Variants in DYNC2H1 observed in about 807,000 individuals in gnomAD.
DYNC2H1 encodes dynein cytoplasmic 2 heavy chain 1.
A neutral mutation model predicts 570.0 loss-of-function variants in DYNC2H1; 410 were observed. The ratio of observed to expected loss-of-function variants is 0.72; its 90% CI spans 0.66 to 0.78. The LOEUF (loss-of-function observed/expected upper bound fraction) is 0.78, where lower values mean the gene tolerates loss of function less well. Among genes scored for constraint, DYNC2H1 ranks in the 30% least tolerant of loss-of-function variants. The pLI, the probability that DYNC2H1 is intolerant of heterozygous loss-of-function variation, is 0.00. For missense variants in DYNC2H1, 4,865 were observed against 5,046.4 expected, an observed-to-expected ratio of 0.96 and a Z score of 1.09; for synonymous variants, 1,688 against 1,677.6, an observed-to-expected ratio of 1.01 and a Z score of -0.15.
chr11:103,196,979 G>C (rs1401171249), intron 47 of DYNC2H1, among the ~76,000 whole-genome samples: 1 of 152,150 alleles, frequency 6.6e-6, no homozygotes, highest in Non-Finnish European at 1.5e-5. Flanking sequence ...ATGTGACAAG[G>C]ATGCTTGGTG....
intron 83 of DYNC2H1, among the ~76,000 whole-genome samples, chr11:103,392,469 T>C (rs989294688): frequency 1.3e-5 from 2 of 152,252 alleles, no homozygotes; most frequent in East Asian, 1.9e-4. Context: ...TGCCTCGCCC[T>C]GCTTCGGCTC....
At chr11:103,346,895 T>C (rs1939771391) in intron 82 of DYNC2H1, among the ~76,000 whole-genome samples, 1 of 152,206 alleles carries the variant, frequency 6.6e-6, no homozygotes, top group Non-Finnish European at 1.5e-5. Flanking sequence ...TATCAAAGGT[T>C]GAATCCATTA....
chr11:103,192,344 T>C (rs1241540667), intron 47 of DYNC2H1, 80 bp downstream of exon 47: 5 of 1,070,196 alleles, frequency 4.7e-6, no homozygotes, highest in Non-Finnish European at 6.3e-6. Context: ...CATGATTTTA[T>C]AGGTCTAAAC....
intron 84 of DYNC2H1, chr11:103,407,576 C>T (rs923305058): frequency 2.6e-5 from 4 of 151,806 alleles, no homozygotes; most frequent in East Asian, 1.9e-4. Context: ...TGTTGGAATT[C>T]GTAAAAACAG....
rs921165549 is a variant in DYNC2H1 at position 103,319,187 on chromosome 11, A to G, written c.11726-1842A>G. ...TAGAATTAATTAATAGCATTGTAAGACATAGATATATAAATAGGTATCTTA... is the reference window on the plus strand; with the variant it reads ...TAGAATTAATTAATAGCATTGTAAGGCATAGATATATAAATAGGTATCTTA... On this transcript the variant is annotated intron_variant, in intron 80 of 88. Transcript: ENST00000375735. The surrounding 1 kb of genome is among the most constrained non-coding windows in gnomAD (Gnocchi z 4.3). Among the ~76,000 whole-genome samples the G allele has an allele frequency of 5.3e-5, 8 of 152,200 alleles. No homozygotes were observed. The highest frequency in any genetic ancestry group is 1.0e-4 in the Non-Finnish European group (7 of 67,994).
chr11:103,426,342 T>TTATTTAATTTCTAATTAAATATAAATTAA (rs1440191337), intron 84 of DYNC2H1, among the ~76,000 whole-genome samples: 2 of 152,206 alleles, frequency 1.3e-5, no homozygotes, highest in African/African-American at 4.8e-5. Context: ...TATTTCTGTG[T>TTATTTAATTTCTAATTAAATATAAATTAA]GTGTGTCTTT....
At chr11:103,387,503 T>G (rs1189231310) in intron 83 of DYNC2H1, among the ~76,000 whole-genome samples, 1 of 152,246 alleles carries the variant, frequency 6.6e-6, no homozygotes, top group African/African-American at 2.4e-5. Context: ...CTCTTTAGTT[T>G]AATTAGATCT....
chr11:103,306,193 G>A (rs374066472), intron 77 of DYNC2H1, among the ~76,000 whole-genome samples: 1 of 152,182 alleles, frequency 6.6e-6, no homozygotes, highest in Admixed American at 6.5e-5. Context: ...GATTGCAGGC[G>A]TGAGCCATCG....
Position 103,114,088 on chromosome 11 carries a change from T to C in DYNC2H1, c.367-15T>C. ...TTTTGATCAATCTTGGTTGCTCTTG[T>C]CTGTTTTTATTTAGGATCAGGAATG... On this transcript the variant is annotated splice_polypyrimidine_tract_variant and intron_variant, in intron 2 of 88. Coordinates refer to ENST00000375735, the MANE Select transcript of DYNC2H1 (RefSeq NM_001377.3). The C allele has an allele frequency of 6.2e-7, 1 of 1,606,848 alleles. No individual in the cohort carries two copies. Among genetic ancestry groups the C allele is most frequent in the Non-Finnish European group, 8.5e-7 (1 of 1,176,178 alleles).
chr11:103,470,814 G>A (rs1047126484), intron 88 of DYNC2H1, among the ~76,000 whole-genome samples: 12 of 152,222 alleles, frequency 7.9e-5, no homozygotes, highest in East Asian at 3.9e-4. Context: ...CCAGTCTATC[G>A]TTGTTGGACA....
chr11:103,164,290 GC>G (rs1418366208), intron 30 of DYNC2H1, among the ~76,000 whole-genome samples: 19 of 152,150 alleles, frequency 1.2e-4, no homozygotes, highest in African/African-American at 4.3e-4. Flanking sequence ...TTGGATTTCA[GC>G]CTGCAACTTA....
rs142483417 is a variant in DYNC2H1, at chr11:103,155,510, C to T, written c.3744+9C>T. 1.5e-4 allele frequency: 234 copies of T among 1,599,350 alleles called. 1 individual carries two copies. The African/African-American group carries it at 2.9e-3, about 20-fold the overall frequency. On this transcript the variant is annotated intron_variant, in intron 25 of 88. Coordinates refer to ENST00000375735, the MANE Select transcript of DYNC2H1 (RefSeq NM_001377.3). ...AAGCTGCCGACCTTAAAGTATGAAT[C>T]ACTTTTATAAATATCCCATAAGTCT... is the stretch of plus-strand genomic sequence containing the variant.
Position 103,468,215 on chromosome 11 carries a change from G to T in DYNC2H1, c.12649-374G>T, listed in dbSNP as rs546638908. ...TTCCTTAAAAGGTGTCAGAATTCCA[G>T]GTTGGGAATACAATGTTTGCTCTCT... On this transcript the variant is annotated intron_variant, in intron 87 of 88. Coordinates refer to ENST00000375735, the MANE Select transcript of DYNC2H1 (RefSeq NM_001377.3). Among the ~76,000 whole-genome samples the T allele has an allele frequency of 4.6e-5, 7 of 152,166 alleles. No individual in the cohort carries two copies. The East Asian group carries it at 1.4e-3, about 29-fold the overall frequency.
At chr11:103,462,244 T>C (rs1456394728) in intron 87 of DYNC2H1, among the ~76,000 whole-genome samples, 1 of 152,190 alleles carries the variant, frequency 6.6e-6, no homozygotes, top group African/African-American at 2.4e-5. Context: ...TAGTAAACTT[T>C]TGTTCCTCTG....
intron 47 of DYNC2H1, among the ~76,000 whole-genome samples, chr11:103,195,054 A>C (rs944043594): frequency 2.0e-5 from 3 of 152,168 alleles, no homozygotes; most frequent in African/African-American, 7.2e-5. Context: ...GAATATGTGT[A>C]TATTAGAGAT....
At chr11:103,463,235 T>C (rs917893822) in intron 87 of DYNC2H1, among the ~76,000 whole-genome samples, 1 of 152,266 alleles carries the variant, frequency 6.6e-6, no homozygotes, top group Admixed American at 6.5e-5. Context: ...AAGTATTACA[T>C]TGTGTCAGAA....
rs749118912 is a variant in DYNC2H1 at position 103,253,423 on chromosome 11, C to G, written c.10181C>G (p.Thr3394Arg). ...ASIVTEVNFT[T>R]TRSGLRGQLL... is the part of the protein sequence containing the mutation. ...ATTGTTACTGAGGTTAACTTTACTA[C>G]AACAAGAAGTGGATTACGAGGGCAG... Residue 3394 changes from threonine to arginine, a missense_variant, in exon 66 of 89, where the codon ACA (threonine) becomes AGA (arginine). Transcript: ENST00000375735. The G allele has an allele frequency of 2.5e-6, 4 of 1,611,956 alleles. No individual in the cohort carries two copies. Among genetic ancestry groups the G allele is most frequent in the Non-Finnish European group, 2.5e-6 (3 of 1,178,538 alleles).
chr11:103,347,364 A>G (rs1939793595), intron 82 of DYNC2H1, among the ~76,000 whole-genome samples: 1 of 152,202 alleles, frequency 6.6e-6, no homozygotes, highest in African/African-American at 2.4e-5. Flanking sequence ...TGGACTGGGT[A>G]TTATGTGATG....
At chr11:103,382,830 G>A (rs1280530022) in intron 83 of DYNC2H1, among the ~76,000 whole-genome samples, 3 of 152,132 alleles carry the variant, frequency 2.0e-5, no homozygotes, top group African/African-American at 4.8e-5. Flanking sequence ...TACTTACAGC[G>A]TTTCAGTCAG....
Sources: gnomAD v4.1 joint callset for allele counts (sites outside exome capture counted in the v4.1 genomes callset) on GRCh38, gnomAD v4.1.1 for gene constraint, Gnocchi (gnomAD v3.1) non-coding constraint, MANE v1.5 for transcripts, NCBI Gene and HGNC (gene_info 2026-07-23, HGNC 2026-07-21) for gene names.